The following SGCZ variants were observed in gnomAD, a reference collection of about 807,000 sequenced individuals.
SGCZ encodes the protein zeta-sarcoglycan.
Under a neutral mutation model 41.3 loss-of-function variants are expected in SGCZ, and 40 were observed. The observed-to-expected ratio is 0.97, with a 90% CI of 0.75 to 1.26. The LOEUF is 1.26. Ranked by LOEUF, SGCZ falls within the 50% of genes most tolerant of loss-of-function variation. The probability of loss-of-function intolerance (pLI) is 0.00; values close to 1 mark genes in which losing one functional copy is unlikely to be tolerated. For synonymous variants in SGCZ, 206 were observed against 137.5 expected, an observed-to-expected ratio of 1.50 and a Z score of -3.49; for missense variants, 552 against 369.8, an observed-to-expected ratio of 1.49 and a Z score of -4.04.
At position 14,658,196 on chromosome 8, in the gene SGCZ, TC is replaced by T. The variant is rs543898231; in HGVS notation, c.40-103271del. Reference sequence around the variant, plus strand: ...TCCTCAAGCCCAAACCCTGGAGTCATCCTTGCTCCTCTTTGTTATACCTCAC... The same window carrying T: ...TCCTCAAGCCCAAACCCTGGAGTCATCTTGCTCCTCTTTGTTATACCTCAC... On this transcript the variant is annotated intron_variant, in intron 1 of 7. Coordinates refer to ENST00000382080, the MANE Select transcript of SGCZ (RefSeq NM_139167.4). 9.5e-4 allele frequency among the ~76,000 whole-genome samples: 145 copies of T among 152,316 alleles called. 1 individual carries two copies. The highest frequency in any genetic ancestry group is 3.4e-3 in the Middle Eastern group (1 of 294).
intron 1 of SGCZ, among the ~76,000 whole-genome samples, chr8:14,704,655 G>A (rs1371745326): frequency 1.3e-5 from 2 of 151,892 alleles, no homozygotes; most frequent in Non-Finnish European, 2.9e-5. Flanking sequence ...AAGCAAGTCT[G>A]CTACAGAGAA....
chr8:14,907,448 A>C (rs183200411), intron 1 of SGCZ, among the ~76,000 whole-genome samples: 16 of 152,244 alleles, frequency 1.1e-4, no homozygotes, highest in Non-Finnish European at 1.0e-4. Flanking sequence ...TCAGCCTCTC[A>C]AAGTGCTAGA....
chr8:14,142,982 C>T (rs181386863), intron 5 of SGCZ, among the ~76,000 whole-genome samples: 32 of 142,700 alleles, frequency 2.2e-4, no homozygotes, highest in Admixed American at 1.7e-3. Context: ...GCCAATAAAA[C>T]GTTTTTCTTT....
chr8:14,877,661 T>C (rs1347351849), intron 1 of SGCZ, among the ~76,000 whole-genome samples: 1 of 152,204 alleles, frequency 6.6e-6, no homozygotes, highest in African/African-American at 2.4e-5. Flanking sequence ...ATTCTCCCTT[T>C]TACTGTCAAA....
At chr8:15,202,726 G>C (rs975975530) in intron 1 of SGCZ, among the ~76,000 whole-genome samples, 1 of 152,084 alleles carries the variant, frequency 6.6e-6, no homozygotes, top group African/African-American at 2.4e-5. Flanking sequence ...ATATATTTCT[G>C]AATTGATAGT....
At chr8:15,147,352 C>T (rs1030288535) in intron 1 of SGCZ, among the ~76,000 whole-genome samples, 6 of 152,148 alleles carry the variant, frequency 3.9e-5, no homozygotes, top group African/African-American at 9.7e-5. Context: ...CATTTTGGCT[C>T]ACCACAACCT....
chr8:15,050,744 G>C (rs1022219277), intron 1 of SGCZ, among the ~76,000 whole-genome samples: 1 of 152,038 alleles, frequency 6.6e-6, no homozygotes, highest in Non-Finnish European at 1.5e-5. Flanking sequence ...GGGAATTGGG[G>C]GAGAAAGCAT....
chr8:14,942,383 G>C (rs1800304494), intron 1 of SGCZ, among the ~76,000 whole-genome samples: 1 of 152,118 alleles, frequency 6.6e-6, no homozygotes, highest in South Asian at 2.1e-4. Flanking sequence ...TGGTAGGATA[G>C]CTACTAGTTA....
chr8:14,445,505 T>C (rs889057552), intron 2 of SGCZ, among the ~76,000 whole-genome samples: 1 of 152,048 alleles, frequency 6.6e-6, no homozygotes. Flanking sequence ...AAGGAGAAGA[T>C]GACCTGACTT....
At chr8:14,240,863 A>G (rs1295881922) in intron 3 of SGCZ, among the ~76,000 whole-genome samples, 1 of 152,174 alleles carries the variant, frequency 6.6e-6, no homozygotes, top group Non-Finnish European at 1.5e-5. Context: ...TCCACTCAGT[A>G]CTAATTAAAA....
chr8:15,136,631 G>C (rs1808116899), intron 1 of SGCZ, among the ~76,000 whole-genome samples: 1 of 152,090 alleles, frequency 6.6e-6, no homozygotes, highest in African/African-American at 2.4e-5. Context: ...AGTCTCATAA[G>C]ATCTGATGCT....
chr8:14,539,078 A>C (rs977118051), intron 2 of SGCZ, among the ~76,000 whole-genome samples: 2 of 152,044 alleles, frequency 1.3e-5, no homozygotes, highest in African/African-American at 4.8e-5. Context: ...CTTCCATAAT[A>C]TGAGTGGGCC....
rs557024812 is a variant in SGCZ at position 14,245,356 on chromosome 8, A to G, written c.337-7677T>C. 5.0e-4 allele frequency among the ~76,000 whole-genome samples: 76 copies of G among 152,310 alleles called. No individual in the cohort carries two copies. In the South Asian group the frequency reaches 0.015, roughly 31 times the overall value. On this transcript the variant is annotated intron_variant, in intron 3 of 7. Coordinates refer to ENST00000382080, the MANE Select transcript of SGCZ (RefSeq NM_139167.4). ...ACAAGCAATGGGGAAAGGATTCCCT[A>G]TTTAATAAATGGTGCTGGGAAAACT...
intron 2 of SGCZ, among the ~76,000 whole-genome samples, chr8:14,507,719 T>G (rs1802345118): frequency 1.3e-5 from 2 of 152,138 alleles, no homozygotes; most frequent in African/African-American, 4.8e-5. Flanking sequence ...TCACTTCTTT[T>G]AGGTTTTAAT....
chr8:15,194,227 A>ACACC (rs1554475074), intron 1 of SGCZ, among the ~76,000 whole-genome samples: 2 of 134,480 alleles, frequency 1.5e-5, no homozygotes, highest in East Asian at 4.4e-4. Context: ...ACACACACAC[A>ACACC]CCACAACCCT....
intron 1 of SGCZ, among the ~76,000 whole-genome samples, chr8:15,005,630 C>A (rs2130917813): frequency 8.1e-6 from 1 of 123,226 alleles, no homozygotes; most frequent in South Asian, 3.0e-4. Flanking sequence ...CTGCACCCGG[C>A]AATCCCCCAT....
chr8:14,376,139 C>T (rs1258166266), intron 2 of SGCZ, among the ~76,000 whole-genome samples: 1 of 151,964 alleles, frequency 6.6e-6, no homozygotes, highest in Non-Finnish European at 1.5e-5. Context: ...TGGTGAAACT[C>T]CATCTCTACT....
intron 1 of SGCZ, among the ~76,000 whole-genome samples, chr8:14,769,982 C>T (rs1011548700): frequency 1.3e-5 from 2 of 151,722 alleles, no homozygotes; most frequent in African/African-American, 4.8e-5. Context: ...CATATACCAC[C>T]ACTCGTGGTT....
At position 14,891,252 on chromosome 8, in the gene SGCZ, T is replaced by G. The variant is rs184833020; in HGVS notation, c.40-336326A>C. 5.9e-5 allele frequency among the ~76,000 whole-genome samples: 9 copies of G among 152,280 alleles called. No homozygotes were observed. In the East Asian group the frequency reaches 1.7e-3, roughly 29 times the overall value. ...TGGGCATAGTAAACTGAAAACCTTC[T>G]GGAAAGGATTTGCCATTCTCAGTAC... is the stretch of plus-strand genomic sequence containing the variant. On this transcript the variant is annotated intron_variant, in intron 1 of 7. Coordinates refer to ENST00000382080, the MANE Select transcript of SGCZ (RefSeq NM_139167.4).
Sources: gnomAD v4.1 joint callset for allele counts (sites outside exome capture counted in the v4.1 genomes callset) on GRCh38, gnomAD v4.1.1 for gene constraint, MANE v1.5 for transcripts, NCBI Gene and HGNC (gene_info 2026-07-23, HGNC 2026-07-21) for gene names.